PRCC: variants seen among roughly 807,000 people sequenced by gnomAD.
PRCC encodes the protein proline rich mitotic checkpoint control factor.
PRCC carries 10 observed loss-of-function variants against 44.0 expected under a neutral mutation model. That is an observed-to-expected ratio of 0.23 (90% CI 0.14 to 0.39). PRCC has a LOEUF of 0.39. PRCC is among the 10% of genes least tolerant of loss of function. The pLI, the probability that PRCC is intolerant of heterozygous loss-of-function variation, is 1.00. For synonymous variants in PRCC, 278 were observed against 259.5 expected (o/e 1.07, Z -0.69); for missense variants, 573 against 624.7 (o/e 0.92, Z 0.88).
intron 4 of PRCC, among the ~76,000 whole-genome samples, chr1:156,793,263 G>A (rs1198233181): frequency 6.6e-6 from 1 of 152,182 alleles, no homozygotes; most frequent in African/African-American, 2.4e-5. Flanking sequence ...GGAGACAGCT[G>A]AGAACCCAGT....
Position 156,767,535 on chromosome 1 carries a change from G to A in PRCC, c.-237G>A, listed in dbSNP as rs746900161. On this transcript the variant is annotated 5_prime_UTR_variant, in exon 1 of 7. Transcript: ENST00000271526. ...CAAGGAGGAGGCGGAGTGACTCGGCGGCCATTAGCTGTGTGTAGTTGCCCG... is the reference window on the plus strand; with the variant it reads ...CAAGGAGGAGGCGGAGTGACTCGGCAGCCATTAGCTGTGTGTAGTTGCCCG... 9.8e-5 allele frequency: 52 copies of A among 529,072 alleles called. No individual in the cohort carries two copies. In the Middle Eastern group the frequency reaches 4.5e-3, roughly 46 times the overall value. 32.8% of individuals were successfully genotyped at this position (529,072 alleles called of 1,614,324 possible).
At chr1:156,789,245 C>T (rs1307619981) in intron 3 of PRCC, among the ~76,000 whole-genome samples, 1 of 152,270 alleles carries the variant, frequency 6.6e-6, no homozygotes, top group African/African-American at 2.4e-5. Context: ...GATGGGATTA[C>T]AGGCGTGAGC....
intron 6 of PRCC, among the ~76,000 whole-genome samples, chr1:156,798,840 C>CAAA (rs890646541): frequency 3.7e-5 from 2 of 53,674 alleles, no homozygotes; most frequent in African/African-American, 1.2e-4. Flanking sequence ...GACTCCATCT[C>CAAA]AAAAAAAAAA....
At position 156,797,461 on chromosome 1, in the gene PRCC, C is replaced by T. The variant is rs6701637; in HGVS notation, c.1389+120C>T. 83,340 of 1,151,516 alleles carry T rather than the reference C, an allele frequency of 0.072. 3,970 individuals carry two copies. The highest frequency in any genetic ancestry group is 0.17 in the African/African-American group (10,920 of 65,044). The allele number at this position is 1,151,516 out of a possible 1,614,324, so 71.3% of individuals were successfully genotyped here. A position where few individuals can be genotyped will look rare whatever the true frequency, so the allele number is the denominator to read the frequency against. On this transcript the variant is annotated intron_variant, in intron 6 of 6. Coordinates refer to ENST00000271526, the MANE Select transcript of PRCC (RefSeq NM_005973.5). ...TTTTAGCAGCCCATCTTTTAGCAGG[C>T]ATCCTCTCCTATTCTCAGAGCGGCC...
intron 1 of PRCC, among the ~76,000 whole-genome samples, chr1:156,774,797 T>C (rs866284652): frequency 2.3e-4 from 34 of 148,390 alleles, no homozygotes; most frequent in African/African-American, 8.0e-4. Context: ...ACTAAAAATA[T>C]AAAAATTAGC....
chr1:156,792,788 G>A lies in PRCC; in HGVS notation c.1179+996G>A, dbSNP rs1652538764. Among the ~76,000 whole-genome samples the A allele has an allele frequency of 2.0e-5, 3 of 152,158 alleles. 1 individual carries two copies. ...CTAGTTGTAAGGGGGTCTAGGAAAT[G>A]TAATGTTTTATTAGTTGTGTGGTAA... On this transcript the variant is annotated intron_variant, in intron 4 of 6. Transcript: ENST00000271526.
intron 1 of PRCC, among the ~76,000 whole-genome samples, chr1:156,769,514 C>G (rs1023675915): frequency 6.6e-6 from 1 of 152,172 alleles, no homozygotes; most frequent in South Asian, 2.1e-4. Flanking sequence ...TGAAAGAACT[C>G]CAATATGGAT....
intron 1 of PRCC, among the ~76,000 whole-genome samples, chr1:156,775,104 C>G (rs1386111536): frequency 2.0e-5 from 3 of 151,882 alleles, no homozygotes; most frequent in Non-Finnish European, 2.9e-5. Flanking sequence ...AAAAATTAGC[C>G]AAGCGTGGTG....
At chr1:156,779,118 ATATATATATATTTTTTTTTTTTT>A (rs1651940078) in intron 1 of PRCC, among the ~76,000 whole-genome samples, 4 of 19,094 alleles carry the variant, frequency 2.1e-4, no homozygotes, top group Admixed American at 6.6e-4. Flanking sequence ...ATATATATAT[ATATATATATATTTTTTTTTTTTT>A]TTTTTTTTTT....
At chr1:156,781,632 GGATAACACA>G (rs1652054316) in intron 1 of PRCC, among the ~76,000 whole-genome samples, 1 of 152,224 alleles carries the variant, frequency 6.6e-6, no homozygotes. Context: ...TGAGTCAGAA[GGATAACACA>G]GATGACCTCC....
At chr1:156,768,711 C>T (rs1558043692) in intron 1 of PRCC, among the ~76,000 whole-genome samples, 3 of 152,140 alleles carry the variant, frequency 2.0e-5, no homozygotes, top group Non-Finnish European at 4.4e-5. Context: ...ATCTTGGTTT[C>T]TATTTTTGAG....
intron 5 of PRCC, among the ~76,000 whole-genome samples, chr1:156,795,044 G>A (rs572753538): frequency 8.5e-5 from 13 of 152,228 alleles, no homozygotes; most frequent in African/African-American, 1.7e-4. Context: ...TGCTGAGATC[G>A]AGTAGTTGGT....
intron 1 of PRCC, among the ~76,000 whole-genome samples, chr1:156,772,296 T>A (rs1022604079): frequency 6.6e-6 from 1 of 152,242 alleles, no homozygotes; most frequent in African/African-American, 2.4e-5. Context: ...CAATTCTGGT[T>A]TTCCTGGAGT....
intron 1 of PRCC, among the ~76,000 whole-genome samples, chr1:156,773,249 A>G (rs1484704242): frequency 6.6e-6 from 1 of 151,970 alleles, no homozygotes; most frequent in African/African-American, 2.4e-5. Context: ...TTGGAGAGGG[A>G]GTGTCTCAGA....
chr1:156,794,904 G>A, intron 5 of PRCC, 96 bp downstream of exon 5: 1 of 1,483,898 alleles, frequency 6.7e-7, no homozygotes, highest in Non-Finnish European at 9.2e-7. Flanking sequence ...CATTGTTATT[G>A]TCACAGCACC....
intron 1 of PRCC, among the ~76,000 whole-genome samples, chr1:156,772,685 A>G (rs1558045273): frequency 6.6e-6 from 1 of 152,232 alleles, no homozygotes; most frequent in Non-Finnish European, 1.5e-5. Context: ...GATAGTAGAA[A>G]ATTTGAAGCT....
chr1:156,787,050 C>A lies in PRCC; in HGVS notation c.959C>A (p.Pro320His). The A allele has an allele frequency of 6.2e-7, 1 of 1,614,206 alleles. No individual in the cohort carries two copies. ...PAFQDDAANA[P>H]LEFKMAAGSS... ...TTCCAGGACGATGCAGCCAATGCCCCCCTTGAATTCAAGATGGCAGCAGGT... is the reference window on the plus strand; with the variant it reads ...TTCCAGGACGATGCAGCCAATGCCCACCTTGAATTCAAGATGGCAGCAGGT... The change falls in exon 3 of 7, where the codon CCC becomes CAC. Residue 320 changes from proline (P) to histidine (H), a missense_variant. This residue lies in a region of PRCC where 141 missense variants were observed against 130.2 expected (regional missense o/e 1.08). Coordinates refer to ENST00000271526, the MANE Select transcript of PRCC (RefSeq NM_005973.5).
At chr1:156,779,616 T>C (rs1211343910) in intron 1 of PRCC, among the ~76,000 whole-genome samples, 1 of 152,070 alleles carries the variant, frequency 6.6e-6, no homozygotes. Flanking sequence ...TGACCTGTCT[T>C]CCTTGGCCTC....
chr1:156,783,445 G>A (rs577239747), intron 2 of PRCC, among the ~76,000 whole-genome samples: 2 of 152,188 alleles, frequency 1.3e-5, no homozygotes, highest in South Asian at 4.2e-4. Context: ...AAGTGGTCCT[G>A]CTTTTATAAA....
Sources: gnomAD v4.1 joint callset for allele counts (sites outside exome capture counted in the v4.1 genomes callset) on GRCh38, gnomAD v4.1.1 for gene constraint, gnomAD v4.1.1 regional missense constraint, MANE v1.5 for transcripts, NCBI Gene and HGNC (gene_info 2026-07-23, HGNC 2026-07-21) for gene names.